Variants in HCRTR2 observed in about 807,000 individuals in gnomAD.
HCRTR2 encodes hypocretin receptor 2.
Under a neutral mutation model 49.0 loss-of-function variants are expected in HCRTR2, and 22 were observed. The ratio of observed to expected loss-of-function variants is 0.45; its 90% confidence interval spans 0.32 to 0.64. The LOEUF (loss-of-function observed/expected upper bound fraction) is 0.64. Ranked by LOEUF, HCRTR2 falls within the 30% of genes least tolerant of loss-of-function variation. The pLI, the probability that HCRTR2 is intolerant of heterozygous loss-of-function variation, is 0.04. For synonymous variants in HCRTR2, 236 were observed against 205.3 expected (o/e 1.15, Z -1.28); for missense variants, 491 against 559.4 (o/e 0.88, Z 1.23).
intron 1 of HCRTR2, among the ~76,000 whole-genome samples, chr6:55,138,824 T>C (rs896344279): frequency 6.6e-6 from 1 of 152,224 alleles, no homozygotes; most frequent in Non-Finnish European, 1.5e-5. Flanking sequence ...CAACTATATA[T>C]GTTTGTTCAT....
chr6:55,148,595 A>G (rs1269176827), intron 1 of HCRTR2, among the ~76,000 whole-genome samples: 1 of 152,156 alleles, frequency 6.6e-6, no homozygotes, highest in Non-Finnish European at 1.5e-5. Flanking sequence ...GCTGCTGAGG[A>G]AACTCTGGGA....
At chr6:55,148,812 T>C (rs1044354205) in intron 1 of HCRTR2, among the ~76,000 whole-genome samples, 3 of 152,140 alleles carry the variant, frequency 2.0e-5, no homozygotes, top group Non-Finnish European at 4.4e-5. Context: ...TTTTATTTCA[T>C]GCTTAAACAC....
chr6:55,203,311 ATC>A lies in HCRTR2; in HGVS notation c.223+28507_223+28508del, dbSNP rs368467182. 4.6e-3 allele frequency among the ~76,000 whole-genome samples: 699 copies of A among 152,318 alleles called. 2 individuals are homozygous for A. Among genetic ancestry groups the A allele is most frequent in the African/African-American group, 0.015 (641 of 41,568 alleles). Reference sequence around the variant, plus strand: ...GCTTAATTTTTCCTGATTAGTTTATATCTCTCTTATTAATCAATGACATTTAA... The same window carrying A: ...GCTTAATTTTTCCTGATTAGTTTATATCTCTTATTAATCAATGACATTTAA... On this transcript the variant is annotated intron_variant, in intron 1 of 6. Transcript: ENST00000370862.
intron 1 of HCRTR2, among the ~76,000 whole-genome samples, chr6:55,205,223 C>A (rs944581811): frequency 6.6e-6 from 1 of 152,132 alleles, no homozygotes; most frequent in Non-Finnish European, 1.5e-5. Flanking sequence ...TACTTGGTAT[C>A]TAAAGCTGTG....
chr6:55,156,573 ACACACACACACACACACAAG>A (rs1461316607), intron 1 of HCRTR2, among the ~76,000 whole-genome samples: 2 of 148,608 alleles, frequency 1.3e-5, no homozygotes, highest in African/African-American at 5.0e-5. Context: ...TCTCTCTGAG[ACACACACACACACACACAAG>A]CACACACACA....
At chr6:55,255,503 A>C (rs9475220) in intron 3 of HCRTR2, 124 bp downstream of exon 3, 1 of 1,148,738 alleles carries the variant, frequency 8.7e-7, no homozygotes, top group Admixed American at 1.9e-5. Flanking sequence ...ACAGTTTTGC[A>C]AGAGCATGAA....
intron 1 of HCRTR2, among the ~76,000 whole-genome samples, chr6:55,215,282 T>C (rs768302927): frequency 3.3e-5 from 5 of 152,102 alleles, no homozygotes; most frequent in Admixed American, 6.5e-5. Flanking sequence ...GGATTACATA[T>C]TCAAAGAGCT....
intron 1 of HCRTR2, among the ~76,000 whole-genome samples, chr6:55,191,861 G>A (rs891525234): frequency 1.3e-5 from 2 of 151,932 alleles, no homozygotes; most frequent in Admixed American, 1.3e-4. Context: ...TAATCCATTT[G>A]CAGACATATG....
chr6:55,181,026 T>C (rs1435085626), intron 1 of HCRTR2, among the ~76,000 whole-genome samples: 2 of 151,822 alleles, frequency 1.3e-5, no homozygotes, highest in Admixed American at 1.3e-4. Context: ...TAGGCTGGTC[T>C]TGAACTCTTG....
At chr6:55,166,813 A>T (rs977661233) in intron 1 of HCRTR2, among the ~76,000 whole-genome samples, 1 of 152,156 alleles carries the variant, frequency 6.6e-6, no homozygotes, top group African/African-American at 2.4e-5. Flanking sequence ...ATATTCATCA[A>T]CTGCTGAATA....
chr6:55,267,582 T>C (rs1766886016), intron 4 of HCRTR2, among the ~76,000 whole-genome samples: 1 of 152,186 alleles, frequency 6.6e-6, no homozygotes. Flanking sequence ...CGTCATGTGC[T>C]TGTGTTAATT....
In HCRTR2 at chr6:55,112,943, G is replaced by C. The variant is rs1017161140; in HGVS notation, c.-378+6398G>C. ...TGTAAAAGTAAGCATATAGACCAAGGGAGCAGAACAAATAACCCAGAAATA... is the reference window on the plus strand; with the variant it reads ...TGTAAAAGTAAGCATATAGACCAAGCGAGCAGAACAAATAACCCAGAAATA... On this transcript the variant is annotated intron_variant, in intron 1 of 7. Transcript: ENST00000615358. Among the ~76,000 whole-genome samples, 3 of 152,064 alleles carry C rather than the reference G, an allele frequency of 2.0e-5. No homozygotes were observed. The South Asian group carries it at 6.2e-4, about 32-fold the overall frequency.
At chr6:55,119,323 T>C (rs184563762) in intron 1 of HCRTR2, among the ~76,000 whole-genome samples, 1 of 152,152 alleles carries the variant, frequency 6.6e-6, no homozygotes, top group Non-Finnish European at 1.5e-5. Context: ...GGTCAAATGG[T>C]ATTTCTAGTT....
At chr6:55,120,570 T>C (rs1330766909) in intron 1 of HCRTR2, among the ~76,000 whole-genome samples, 1 of 150,474 alleles carries the variant, frequency 6.6e-6, no homozygotes, top group Non-Finnish European at 1.5e-5. Context: ...TATTGTTGTA[T>C]AGGAATGCTT....
At chr6:55,182,841 T>C (rs1160001356) in intron 1 of HCRTR2, among the ~76,000 whole-genome samples, 1 of 152,208 alleles carries the variant, frequency 6.6e-6, no homozygotes, top group African/African-American at 2.4e-5. Flanking sequence ...AAATCAATCA[T>C]ATCGTATCAA....
At chr6:55,173,102 T>C (rs561512717), upstream of HCRTR2, among the ~76,000 whole-genome samples, 10 of 152,142 alleles carry the variant, frequency 6.6e-5, no homozygotes, top group Non-Finnish European at 1.5e-4. Context: ...TGAGGGCATA[T>C]AAAGGAGCGC....
intron 1 of HCRTR2, among the ~76,000 whole-genome samples, chr6:55,234,099 G>C (rs1186068336): frequency 6.6e-6 from 1 of 152,092 alleles, no homozygotes; most frequent in Non-Finnish European, 1.5e-5. Context: ...ACTATTTCAG[G>C]AATTTATGAC....
intron 1 of HCRTR2, among the ~76,000 whole-genome samples, chr6:55,127,882 C>A (rs1275453262): frequency 6.6e-6 from 1 of 152,134 alleles, no homozygotes; most frequent in African/African-American, 2.4e-5. Context: ...TGTCTGTTTA[C>A]TCTGTTGGTA....
intron 4 of HCRTR2, among the ~76,000 whole-genome samples, chr6:55,274,783 G>A (rs1342617825): frequency 1.3e-5 from 2 of 151,994 alleles, no homozygotes; most frequent in East Asian, 1.9e-4. Flanking sequence ...TATTCATGAA[G>A]GATATTTAGT....
Sources: allele counts gnomAD v4.1 joint callset (sites outside exome capture counted in the v4.1 genomes callset), GRCh38; gene constraint gnomAD v4.1.1; transcripts MANE v1.5; gene names NCBI Gene and HGNC (gene_info 2026-07-23, HGNC 2026-07-21).